Variants in ATP2B4 observed in about 807,000 individuals in gnomAD.
ATP2B4 encodes the protein ATPase plasma membrane Ca2+ transporting 4.
A neutral mutation model predicts 110.3 loss-of-function variants in ATP2B4; 39 were observed. That is an observed-to-expected ratio of 0.35 (90% CI 0.27 to 0.46). The LOEUF is 0.46. Ranked by LOEUF, ATP2B4 falls within the 20% of genes least tolerant of loss-of-function variation. ATP2B4 has a pLI of 1.00. For synonymous variants in ATP2B4, 538 were observed against 571.7 expected, an observed-to-expected ratio of 0.94 and a Z score of 0.84; for missense variants, 1,135 against 1,530.9, an observed-to-expected ratio of 0.74 and a Z score of 4.32.
intron 1 of ATP2B4, among the ~76,000 whole-genome samples, chr1:203,663,059 G>T (rs1313986003): frequency 6.6e-6 from 1 of 152,106 alleles, no homozygotes; most frequent in Non-Finnish European, 1.5e-5. Context: ...AATGCTGAAG[G>T]CCTTTAAAGG....
rs116977132 is a variant in ATP2B4 at position 203,708,726 on chromosome 1, G to A, written c.1558-575G>A. Among the ~76,000 whole-genome samples, 270 of 152,214 alleles carry A rather than the reference G, an allele frequency of 1.8e-3. 6 individuals are homozygous for A. In the East Asian group the frequency reaches 0.03, roughly 17 times the overall value. On this transcript the variant is annotated intron_variant, in intron 10 of 20. Transcript: ENST00000357681. ...AACAAAATTAGCCAGGCATGGTTGC[G>A]CACCTGTAGTCCCAGCTACTCCAGA...
intron 20 of ATP2B4, chr1:203,733,591 T>C (rs1311570379): frequency 2.1e-5 from 11 of 532,258 alleles, no homozygotes; most frequent in Non-Finnish European, 2.2e-5. Context: ...ATTTTTGTAA[T>C]GTAGAAAAGC....
intron 2 of ATP2B4, among the ~76,000 whole-genome samples, chr1:203,695,254 A>T (rs1313951696): frequency 6.6e-6 from 1 of 152,174 alleles, no homozygotes; most frequent in African/African-American, 2.4e-5. Context: ...AGCACAGCAG[A>T]CCCAACTTGG....
chr1:203,679,925 G>T (rs1027137488), intron 1 of ATP2B4, among the ~76,000 whole-genome samples: 1 of 152,018 alleles, frequency 6.6e-6, no homozygotes, highest in African/African-American at 2.4e-5. Context: ...GCTGGGCATG[G>T]TGGCAGGTGC....
intron 1 of ATP2B4, among the ~76,000 whole-genome samples, chr1:203,634,166 T>G (rs1663365857): frequency 6.6e-6 from 1 of 152,212 alleles, no homozygotes; most frequent in Non-Finnish European, 1.5e-5. Context: ...AGTCAAACTA[T>G]CAACATATCC....
At chr1:203,733,448 G>A (rs750391406) in intron 20 of ATP2B4, 1 of 1,501,650 alleles carries the variant, frequency 6.7e-7, no homozygotes, top group South Asian at 1.3e-5. Context: ...ATGACCACAA[G>A]AGAGCACGTG....
chr1:203,661,001 T>C (rs1664323015), intron 1 of ATP2B4, among the ~76,000 whole-genome samples: 1 of 151,668 alleles, frequency 6.6e-6, no homozygotes, highest in Non-Finnish European at 1.5e-5. Flanking sequence ...TTCCAGCTAT[T>C]TGGGAGGCCG....
At chr1:203,687,686 G>A (rs10900588) in intron 2 of ATP2B4, among the ~76,000 whole-genome samples, 126,597 of 152,058 alleles carry the variant, frequency 0.83, 53,526 homozygotes, top group East Asian at 1. Context: ...TTTTAAGGGG[G>A]CTTATGGAAC....
At chr1:203,632,512 T>G (rs1431360053) in intron 1 of ATP2B4, among the ~76,000 whole-genome samples, 1 of 151,672 alleles carries the variant, frequency 6.6e-6, no homozygotes, top group Non-Finnish European at 1.5e-5. Context: ...CCCGGCTAAT[T>G]TTTTGTATTT....
chr1:203,736,841 C>G (rs1394474196), intron 20 of ATP2B4, among the ~76,000 whole-genome samples: 1 of 152,154 alleles, frequency 6.6e-6, no homozygotes, highest in East Asian at 1.9e-4. Context: ...CATGATTGTT[C>G]ATCAGCATGT....
At chr1:203,734,042 A>G (rs1666812788) in intron 20 of ATP2B4, among the ~76,000 whole-genome samples, 1 of 152,246 alleles carries the variant, frequency 6.6e-6, no homozygotes, top group South Asian at 2.1e-4. Context: ...ACGATGGCTC[A>G]CGCCTGTAAT....
At chr1:203,692,263 A>G (rs1338952489) in intron 2 of ATP2B4, among the ~76,000 whole-genome samples, 9 of 151,138 alleles carry the variant, frequency 6.0e-5, no homozygotes. Flanking sequence ...CTGTAGCCTC[A>G]ACCTCCTGGG....
At chr1:203,661,675 G>A (rs1457426301) in intron 1 of ATP2B4, among the ~76,000 whole-genome samples, 1 of 152,180 alleles carries the variant, frequency 6.6e-6, no homozygotes, top group Admixed American at 6.5e-5. Context: ...CATGCTGCAT[G>A]GTATTCAGAA....
chr1:203,720,974 T>G (rs1052164916), intron 16 of ATP2B4, among the ~76,000 whole-genome samples: 6 of 152,168 alleles, frequency 3.9e-5, no homozygotes, highest in Non-Finnish European at 8.8e-5. Flanking sequence ...ATATGCACTA[T>G]CTGTATTCTT....
intron 2 of ATP2B4, among the ~76,000 whole-genome samples, chr1:203,692,178 C>G (rs1040466838): frequency 1.3e-5 from 2 of 149,154 alleles, no homozygotes; most frequent in African/African-American, 5.0e-5. Context: ...CCACACCCGG[C>G]CTTTTTTTTC....
At chr1:203,673,119 A>C (rs1227867437) in intron 1 of ATP2B4, among the ~76,000 whole-genome samples, 1 of 152,190 alleles carries the variant, frequency 6.6e-6, no homozygotes, top group Admixed American at 6.5e-5. Context: ...GTTCATGGGA[A>C]TGCTTTGGAA....
At chr1:203,637,549 G>A (rs1663494895) in intron 1 of ATP2B4, among the ~76,000 whole-genome samples, 1 of 152,084 alleles carries the variant, frequency 6.6e-6, no homozygotes, top group South Asian at 2.1e-4. Flanking sequence ...TGGCATTACA[G>A]TCAGTGTTGT....
intron 7 of ATP2B4, 49 bp from the exon 8 acceptor site, chr1:203,703,603 G>A: frequency 1.3e-6 from 2 of 1,591,218 alleles, no homozygotes; most frequent in Non-Finnish European, 1.7e-6. Context: ...CTGCCACTCA[G>A]TGCTACCACC....
Position 203,739,806 on chromosome 1 carries a change from G to A in ATP2B4, c.3570G>A (p.Gln1190=), listed in dbSNP as rs1372920290. ...NNNAVDCNQV[Q]LPQSDSSLQS... is the part of the protein sequence containing the mutation. ...ATGCGGTGGATTGCAACCAAGTGCA[G>A]CTCCCCCAGTCGGACAGCTCTCTAC... Residue 1190 remains glutamine (Q), a synonymous_variant, in exon 21 of 21, where the codon CAG becomes CAA. Transcript: ENST00000357681. 6.2e-7 allele frequency: 1 copy of A among 1,614,022 alleles called. No individual in the cohort carries two copies. Among genetic ancestry groups the A allele is most frequent in the African/African-American group, 1.3e-5 (1 of 74,916 alleles).
Sources: gnomAD v4.1 joint callset for allele counts (sites outside exome capture counted in the v4.1 genomes callset) on GRCh38, gnomAD v4.1.1 for gene constraint, MANE v1.5 for transcripts, NCBI Gene and HGNC (gene_info 2026-07-23, HGNC 2026-07-21) for gene names.